CENPW: variants seen among roughly 807,000 people sequenced by gnomAD.
CENPW encodes centromere protein W.
In CENPW, 3 loss-of-function variants were observed where a neutral mutation model predicts 11.1. The observed-to-expected ratio is 0.27, with a 90% CI of 0.12 to 0.70. CENPW has a LOEUF of 0.70. Among genes scored for constraint, CENPW ranks in the 30% least tolerant of loss-of-function variants. The pLI is 0.77. For missense variants in CENPW, 100 were observed against 105.6 expected, an observed-to-expected ratio of 0.95 and a Z score of 0.23; for synonymous variants, 38 against 42.0, an observed-to-expected ratio of 0.91 and a Z score of 0.37.
the CENPW span, among the ~76,000 whole-genome samples, chr6:126,425,801 GA>G: frequency 5.8e-4 from 82 of 140,830 alleles, no homozygotes; most frequent in East Asian, 1.2e-3. Flanking sequence ...AGCTAGCTGT[GA>G]AAAAAAAAAA....
At chr6:126,397,374 T>G in the CENPW span, among the ~76,000 whole-genome samples, 1 of 152,148 alleles carries the variant, frequency 6.6e-6, no homozygotes, top group Non-Finnish European at 1.5e-5. Flanking sequence ...GGACTCTGTG[T>G]TCTTCCTCCT....
At chr6:126,402,772 A>G in the CENPW span, among the ~76,000 whole-genome samples, 2 of 151,970 alleles carry the variant, frequency 1.3e-5, no homozygotes, top group African/African-American at 4.8e-5. Flanking sequence ...TGAACGTTTG[A>G]GTTGTTTCCT....
At chr6:126,469,012 T>C in the CENPW span, among the ~76,000 whole-genome samples, 1 of 152,092 alleles carries the variant, frequency 6.6e-6, no homozygotes, top group South Asian at 2.1e-4. Context: ...CAGGCTGGTC[T>C]CAAAGTACTG....
the CENPW span, among the ~76,000 whole-genome samples, chr6:126,478,913 C>T: frequency 7.9e-5 from 12 of 152,018 alleles, no homozygotes; most frequent in Non-Finnish European, 2.9e-5. Flanking sequence ...AGCTGCCTGT[C>T]TCTTGATAGG....
chr6:126,404,830 C>G, the CENPW span, among the ~76,000 whole-genome samples: 1 of 147,820 alleles, frequency 6.8e-6, no homozygotes. Context: ...GCTCATTGAC[C>G]CATTTTTTAG....
downstream of CENPW, among the ~76,000 whole-genome samples, chr6:126,351,441 A>G (rs958134607): frequency 1.5e-4 from 23 of 152,144 alleles, no homozygotes; most frequent in African/African-American, 4.3e-4. Flanking sequence ...TGATAAATGT[A>G]TTGGCTTGTT....
At chr6:126,430,496 C>G in the CENPW span, among the ~76,000 whole-genome samples, 1 of 152,072 alleles carries the variant, frequency 6.6e-6, no homozygotes, top group Non-Finnish European at 1.5e-5. Flanking sequence ...ATACATTGAA[C>G]AAATGGAGCA....
the CENPW span, among the ~76,000 whole-genome samples, chr6:126,392,330 A>G: frequency 6.6e-6 from 1 of 151,860 alleles, no homozygotes; most frequent in Non-Finnish European, 1.5e-5. Flanking sequence ...TGCAGTTGGC[A>G]TAAAAAATAC....
the CENPW span, among the ~76,000 whole-genome samples, chr6:126,441,939 A>C: frequency 6.6e-6 from 1 of 151,478 alleles, no homozygotes; most frequent in Non-Finnish European, 1.5e-5. Flanking sequence ...TTTTTCATAT[A>C]ATGACTTCTT....
chr6:126,410,040 C>G, the CENPW span, among the ~76,000 whole-genome samples: 2 of 151,516 alleles, frequency 1.3e-5, no homozygotes, highest in Non-Finnish European at 2.9e-5. Flanking sequence ...TTATGGTGAT[C>G]AGATTTTATT....
the CENPW span, among the ~76,000 whole-genome samples, chr6:126,356,356 A>G: frequency 2.0e-5 from 3 of 152,182 alleles, no homozygotes; most frequent in African/African-American, 4.8e-5. Context: ...TTAAATCAGG[A>G]TAAGGTTTTT....
At chr6:126,467,809 A>G in the CENPW span, among the ~76,000 whole-genome samples, 3 of 152,154 alleles carry the variant, frequency 2.0e-5, no homozygotes, top group South Asian at 2.1e-4. Context: ...GTAGTTTTAT[A>G]GTGGAGAAGT....
downstream of CENPW, among the ~76,000 whole-genome samples, chr6:126,350,573 A>G (rs1007326503): frequency 5.9e-5 from 9 of 152,132 alleles, no homozygotes; most frequent in Non-Finnish European, 1.2e-4. Flanking sequence ...GGGGGACACA[A>G]ACATTTAGTC....
chr6:126,460,117 G>A, the CENPW span, among the ~76,000 whole-genome samples: 4 of 151,300 alleles, frequency 2.6e-5, no homozygotes, highest in African/African-American at 7.3e-5. Context: ...CCAAATTTTC[G>A]GTAACTTAGT....
chr6:126,408,934 C>CT, the CENPW span, among the ~76,000 whole-genome samples: 4 of 151,238 alleles, frequency 2.6e-5, no homozygotes, highest in Non-Finnish European at 4.4e-5. Flanking sequence ...TTTTCTTGAT[C>CT]TTTTTTTTAG....
the CENPW span, among the ~76,000 whole-genome samples, chr6:126,458,618 C>T: frequency 6.6e-6 from 1 of 151,130 alleles, no homozygotes; most frequent in African/African-American, 2.4e-5. Flanking sequence ...TTCAGGACGA[C>T]ACTGAGAATC....
chr6:126,454,372 T>C, the CENPW span, among the ~76,000 whole-genome samples: 3 of 151,416 alleles, frequency 2.0e-5, no homozygotes, highest in East Asian at 3.9e-4. Flanking sequence ...CCAAACACAC[T>C]CTCAGACCAC....
chr6:126,399,565 A>C, the CENPW span, among the ~76,000 whole-genome samples: 1 of 151,582 alleles, frequency 6.6e-6, no homozygotes, highest in Non-Finnish European at 1.5e-5. Context: ...GCCATTTTAC[A>C]TCTGTTTTTC....
At chr6:126,450,424 A>T in the CENPW span, among the ~76,000 whole-genome samples, 1 of 151,094 alleles carries the variant, frequency 6.6e-6, no homozygotes. Context: ...AGATAATTGA[A>T]GTCTGAAGAC....
Sources: allele counts gnomAD v4.1 joint callset (sites outside exome capture counted in the v4.1 genomes callset), GRCh38; gene constraint gnomAD v4.1.1; transcripts MANE v1.5; gene names NCBI Gene and HGNC (gene_info 2026-07-23, HGNC 2026-07-21).